DEPDC5: variants seen among roughly 807,000 people sequenced by gnomAD.
The protein encoded by DEPDC5 is DEP domain containing 5, GATOR1 subcomplex subunit.
DEPDC5 carries 73 observed loss-of-function variants against 217.3 expected under a neutral mutation model. The observed-to-expected ratio is 0.34, with a 90% confidence interval of 0.28 to 0.41. DEPDC5 has a LOEUF of 0.41. DEPDC5 is among the 10% of genes least tolerant of loss of function. The pLI, the probability that DEPDC5 is intolerant of heterozygous loss-of-function variation, is 1.00. For synonymous variants in DEPDC5, 733 were observed against 756.7 expected, an observed-to-expected ratio of 0.97 and a Z score of 0.51; for missense variants, 1,675 against 2,070.1, an observed-to-expected ratio of 0.81 and a Z score of 3.70.
At chr22:31,761,310 C>T (rs1172305296) in intron 4 of DEPDC5, among the ~76,000 whole-genome samples, 2 of 152,098 alleles carry the variant, frequency 1.3e-5, no homozygotes, top group Non-Finnish European at 2.9e-5. Context: ...CCTTCATTCT[C>T]TTCCCTGTCC....
chr22:31,833,532 G>C (rs1439447614), intron 24 of DEPDC5, among the ~76,000 whole-genome samples: 1 of 152,146 alleles, frequency 6.6e-6, no homozygotes, highest in Non-Finnish European at 1.5e-5. Flanking sequence ...TCGTCGCCCA[G>C]GTTGGAGTGC....
intron 38 of DEPDC5, among the ~76,000 whole-genome samples, chr22:31,884,143 G>A (rs1165510968): frequency 6.6e-6 from 1 of 152,034 alleles, no homozygotes; most frequent in African/African-American, 2.4e-5. Context: ...AAACTGAAGC[G>A]GTCAGAAGAA....
At chr22:31,791,293 T>C (rs551029447) in intron 10 of DEPDC5, among the ~76,000 whole-genome samples, 19 of 152,248 alleles carry the variant, frequency 1.2e-4, no homozygotes, top group African/African-American at 4.6e-4. Flanking sequence ...CACTGCAGCC[T>C]ATAATTACCT....
chr22:31,876,697 A>G (rs561532647), intron 37 of DEPDC5, among the ~76,000 whole-genome samples: 1 of 152,312 alleles, frequency 6.6e-6, no homozygotes, highest in African/African-American at 2.4e-5. Context: ...CCAGGAAACT[A>G]TCAAGTCCTA....
At position 31,758,550 on chromosome 22, in the gene DEPDC5, T is replaced by A; in HGVS notation, c.63T>A (p.Asp21Glu). Reference sequence around the variant, plus strand: ...AGTGGCTGAATTGTCTTTCAGATGATGAGCTAGTTGTGAACCCCAAAGTGT... The same window carrying A: ...AGTGGCTGAATTGTCTTTCAGATGAAGAGCTAGTTGTGAACCCCAAAGTGT... ...IHKKGFGGSD[D>E]ELVVNPKVFP... Residue 21 changes from aspartate (D) to glutamate (E), a missense_variant, in exon 3 of 43, where the codon GAT becomes GAA. Asp to Glu is a conservative substitution (Grantham distance 45). Transcript: ENST00000651528. 6.2e-7 allele frequency: 1 copy of A among 1,614,114 alleles called. No homozygotes were observed. Among genetic ancestry groups the A allele is most frequent in the Non-Finnish European group, 8.5e-7 (1 of 1,179,968 alleles).
At chr22:31,872,116 G>T (rs572834850) in intron 34 of DEPDC5, among the ~76,000 whole-genome samples, 7 of 152,194 alleles carry the variant, frequency 4.6e-5, no homozygotes, top group Non-Finnish European at 8.8e-5. Flanking sequence ...GGAGCTTCTG[G>T]ATAAGCCCCA....
At chr22:31,754,755 C>T in intron 1 of DEPDC5, 107 bp from the exon 2 acceptor site, 2 of 691,546 alleles carry the variant, frequency 2.9e-6, no homozygotes, top group Non-Finnish European at 4.9e-6. Flanking sequence ...TCACTTGGCA[C>T]CACTTCACAG....
At chr22:31,869,843 G>A (rs932676188) in intron 33 of DEPDC5, among the ~76,000 whole-genome samples, 1 of 152,172 alleles carries the variant, frequency 6.6e-6, no homozygotes, top group Admixed American at 6.5e-5. Flanking sequence ...GATTGGAACT[G>A]TTCTTGACAG....
chr22:31,786,347 G>C (rs1157814885), intron 10 of DEPDC5, among the ~76,000 whole-genome samples: 2 of 147,278 alleles, frequency 1.4e-5, no homozygotes, highest in Non-Finnish European at 3.0e-5. Flanking sequence ...ATGAGCCCTG[G>C]AATTGCAGAC....
intron 29 of DEPDC5, chr22:31,844,643 G>A (rs1447309918): frequency 9.4e-6 from 2 of 213,516 alleles, no homozygotes; most frequent in East Asian, 3.4e-4. Context: ...GTGTGCAGAA[G>A]CATTCTGATA....
intron 40 of DEPDC5, 112 bp downstream of exon 40, chr22:31,897,765 C>A: frequency 7.9e-7 from 1 of 1,258,986 alleles, no homozygotes; most frequent in African/African-American, 1.5e-5. Context: ...GACAGCCTTT[C>A]AACAAGGGGC....
At chr22:31,791,951 A>AAAT in intron 10 of DEPDC5, 82 bp from the exon 11 acceptor site, 1 of 533,962 alleles carries the variant, frequency 1.9e-6, no homozygotes, top group Non-Finnish European at 2.9e-6. Flanking sequence ...AAAAAAAAAA[A>AAAT]GAATATTATA....
intron 27 of DEPDC5, among the ~76,000 whole-genome samples, chr22:31,839,181 A>G (rs7284136): frequency 2.0e-5 from 3 of 152,188 alleles, no homozygotes; most frequent in African/African-American, 7.2e-5. Flanking sequence ...TGTTTCTAGT[A>G]CAGTACCTGG....
intron 12 of DEPDC5, 34 bp from the exon 13 acceptor site, chr22:31,797,566 C>T (rs369858969): frequency 1.3e-6 from 2 of 1,560,808 alleles, no homozygotes; most frequent in African/African-American, 2.7e-5. Flanking sequence ...ATATCAGCTG[C>T]TCAATATCCA....
chr22:31,797,762 G>A, intron 13 of DEPDC5, 59 bp downstream of exon 13: 1 of 1,309,822 alleles, frequency 7.6e-7, no homozygotes, highest in South Asian at 1.2e-5. Flanking sequence ...AGGGGTCTGG[G>A]AGACAGAGAA....
At chr22:31,830,932 C>CA in intron 24 of DEPDC5, 1 of 152,084 alleles carries the variant, frequency 6.6e-6, no homozygotes, top group South Asian at 2.1e-4. Flanking sequence ...GAGTGTTTTG[C>CA]AAATGCCAGT....
At chr22:31,902,870 A>G (rs1425389803) in intron 41 of DEPDC5, among the ~76,000 whole-genome samples, 1 of 152,008 alleles carries the variant, frequency 6.6e-6, no homozygotes, top group Non-Finnish European at 1.5e-5. Context: ...GACCCTGCTA[A>G]CTCACGAGTT....
intron 27 of DEPDC5, among the ~76,000 whole-genome samples, chr22:31,840,826 C>G (rs2091343800): frequency 6.6e-6 from 1 of 152,138 alleles, no homozygotes; most frequent in African/African-American, 2.4e-5. Context: ...TGAGCCAGGC[C>G]CTATTCCAGC....
intron 38 of DEPDC5, among the ~76,000 whole-genome samples, chr22:31,886,247 C>T (rs1255823107): frequency 1.3e-5 from 2 of 152,096 alleles, no homozygotes; most frequent in East Asian, 3.9e-4. Flanking sequence ...TGGTCATGAA[C>T]TCCTCGGCTC....
Sources: allele counts gnomAD v4.1 joint callset (sites outside exome capture counted in the v4.1 genomes callset), GRCh38; gene constraint gnomAD v4.1.1; transcripts MANE v1.5; gene names NCBI Gene and HGNC (gene_info 2026-07-23, HGNC 2026-07-21).